The following TNRC6C variants were observed in gnomAD, a reference collection of about 807,000 sequenced individuals.
TNRC6C encodes the protein trinucleotide repeat-containing gene 6C protein.
TNRC6C carries 20 observed loss-of-function variants against 153.7 expected under a neutral mutation model. That is an observed-to-expected ratio of 0.13 (90% CI 0.09 to 0.19). The LOEUF (loss-of-function observed/expected upper bound fraction) is 0.19, where lower values mean the gene tolerates loss of function less well. Among genes scored for constraint, TNRC6C ranks in the 10% least tolerant of loss-of-function variants. The pLI is 1.00. For missense variants in TNRC6C, 1,987 were observed against 2,172.0 expected, an observed-to-expected ratio of 0.91 and a Z score of 1.69; for synonymous variants, 811 against 841.4, an observed-to-expected ratio of 0.96 and a Z score of 0.63.
At chr17:77,990,718 T>C (rs763570257) in intron 1 of TNRC6C, among the ~76,000 whole-genome samples, 2 of 152,224 alleles carry the variant, frequency 1.3e-5, no homozygotes, top group Non-Finnish European at 2.9e-5. Flanking sequence ...TTTTAAAAAA[T>C]TCATTAAGTG....
chr17:78,093,244 C>T (rs1357129486), intron 15 of TNRC6C, 120 bp downstream of exon 17: 4 of 1,142,664 alleles, frequency 3.5e-6, no homozygotes, highest in Non-Finnish European at 4.9e-6. Context: ...GCGTTAAGCC[C>T]AGAGCTTTGG....
chr17:77,959,112 C>A, upstream of TNRC6C: 1 of 145,930 alleles, frequency 6.9e-6, no homozygotes, highest in Non-Finnish European at 1.5e-5. Flanking sequence ...CGCCGCCGCC[C>A]GCGCCGGGAC....
At chr17:78,020,023 T>G (rs1392696026) in intron 1 of TNRC6C, among the ~76,000 whole-genome samples, 1 of 152,256 alleles carries the variant, frequency 6.6e-6, no homozygotes, top group Non-Finnish European at 1.5e-5. Flanking sequence ...ACTTATCCCT[T>G]CAGATTATTA....
intron 10 of TNRC6C, 94 bp from the exon 13 acceptor site, chr17:78,082,953 T>C (rs2073209728): frequency 1.4e-6 from 2 of 1,456,370 alleles, no homozygotes; most frequent in East Asian, 2.4e-5. Context: ...CTACAAATTA[T>C]CATTTAATCA....
At chr17:78,052,640 A>G (rs552895106) in intron 3 of TNRC6C, among the ~76,000 whole-genome samples, 3 of 152,118 alleles carry the variant, frequency 2.0e-5, no homozygotes, top group Admixed American at 6.5e-5. Flanking sequence ...GGTTTTTGTC[A>G]TAAGCGTTCA....
intron 16 of TNRC6C, among the ~76,000 whole-genome samples, chr17:78,094,285 GT>G (rs1379667440): frequency 6.6e-6 from 1 of 151,962 alleles, no homozygotes; most frequent in African/African-American, 2.4e-5. Flanking sequence ...CTCTGATAAA[GT>G]TTTATCACAG....
At chr17:78,094,507 T>C (rs1398363819) in intron 16 of TNRC6C, among the ~76,000 whole-genome samples, 1 of 151,782 alleles carries the variant, frequency 6.6e-6, no homozygotes, top group East Asian at 1.9e-4. Flanking sequence ...GGCGTGATCT[T>C]GGCTCACTGC....
chr17:77,969,751 G>A (rs906770395), intron 1 of TNRC6C, among the ~76,000 whole-genome samples: 1 of 151,798 alleles, frequency 6.6e-6, no homozygotes, highest in African/African-American at 2.4e-5. Context: ...TGGGAGACAA[G>A]CAGAGATCTC....
chr17:78,051,142 G>C, exon 3 of TNRC6C: 1 of 1,576,088 alleles, frequency 6.3e-7, no homozygotes, highest in East Asian at 2.3e-5. Flanking sequence ...AGGGTGGATC[G>C]GGGGGCCGGT....
At chr17:78,041,448 C>G (rs537547060) in intron 2 of TNRC6C, among the ~76,000 whole-genome samples, 1 of 152,292 alleles carries the variant, frequency 6.6e-6, no homozygotes, top group East Asian at 1.9e-4. Flanking sequence ...TTAATAGACT[C>G]TTAACCTTGA....
At chr17:78,078,691 G>A (rs1472667581) in intron 9 of TNRC6C, among the ~76,000 whole-genome samples, 2 of 152,160 alleles carry the variant, frequency 1.3e-5, no homozygotes, top group East Asian at 1.9e-4. Flanking sequence ...GGGGCCGAAC[G>A]AGGTGGCTCA....
chr17:78,006,472 ATTTCTTCTTCTTCTTCTTC>A (rs1392914413), intron 1 of TNRC6C, among the ~76,000 whole-genome samples: 7 of 148,094 alleles, frequency 4.7e-5, no homozygotes, highest in South Asian at 2.1e-4. Context: ...TGGATCATCC[ATTTCTTCTTCTTCTTCTTC>A]TTTCTTCTTC....
At chr17:78,037,993 A>AT (rs1457888834) in intron 2 of TNRC6C, among the ~76,000 whole-genome samples, 1 of 152,194 alleles carries the variant, frequency 6.6e-6, no homozygotes, top group Non-Finnish European at 1.5e-5. Flanking sequence ...GGAAAAACAG[A>AT]TGTATACACG....
Position 77,979,910 on chromosome 17 carries a change from C to T in TNRC6C, c.-38+20642C>T, listed in dbSNP as rs369164470. ...AAATGGAAATCAAAATACAGTGGAA[C>T]GATATCTTCAAAGTGTTGTAAGAAA... On this transcript the variant is annotated intron_variant, in intron 1 of 22. Transcript: ENST00000636222. Among the ~76,000 whole-genome samples, 31 of 152,218 alleles carry T rather than the reference C, an allele frequency of 2.0e-4. No individual in the cohort carries two copies. The East Asian group carries it at 5.6e-3, about 27-fold the overall frequency.
intron 2 of TNRC6C, among the ~76,000 whole-genome samples, chr17:78,042,779 A>G (rs1598725316): frequency 6.6e-6 from 1 of 151,478 alleles, no homozygotes; most frequent in South Asian, 2.1e-4. Flanking sequence ...GGTGGTGCTG[A>G]TGGTGGTGGT....
chr17:77,987,581 C>T (rs1490359316), intron 1 of TNRC6C, among the ~76,000 whole-genome samples: 1 of 152,140 alleles, frequency 6.6e-6, no homozygotes, highest in Non-Finnish European at 1.5e-5. Context: ...CAAATGGAAA[C>T]ACCTAAATAA....
At chr17:78,022,285 A>T (rs535697846) in intron 1 of TNRC6C, among the ~76,000 whole-genome samples, 1 of 152,332 alleles carries the variant, frequency 6.6e-6, no homozygotes, top group East Asian at 1.9e-4. Flanking sequence ...TCTTAGATAT[A>T]AGATTGACTA....
Position 78,049,313 on chromosome 17 carries a change from A to C in TNRC6C, c.251A>C (p.Gln84Pro). ...ACTATGATTGGAGATGGGAGAAGTC[A>C]GAATTGCTGGGGTGCTTCCAACTCC... is the stretch of plus-strand genomic sequence containing the variant. Residue 84 changes from glutamine (Q) to proline (P), a missense_variant, in exon 3 of 20, where the codon CAG becomes CCG. Physicochemically the swap from Gln to Pro is moderately conservative, Grantham distance 76 (BLOSUM62 -1). Around this residue, in one of 4 missense-constraint regions of TNRC6C, gnomAD observed 1,052 missense variants for 1,017.0 expected, o/e 1.03. Coordinates refer to ENST00000301624, the Ensembl canonical transcript of TNRC6C. This position sits in a 1 kb window ranked among gnomAD's most constrained non-coding sequence, Gnocchi z 4.1. The C allele has an allele frequency of 6.2e-7, 1 of 1,614,030 alleles. No individual in the cohort carries two copies. Among genetic ancestry groups the C allele is most frequent in the South Asian group, 1.1e-5 (1 of 91,084 alleles).
At chr17:78,067,667 T>G in intron 4 of TNRC6C, 90 bp from the exon 7 acceptor site, 1 of 1,402,188 alleles carries the variant, frequency 7.1e-7, no homozygotes, top group Non-Finnish European at 9.5e-7. Context: ...GCATCATTTG[T>G]CCCACGACCC....
Sources: gnomAD v4.1 joint callset for allele counts (sites outside exome capture counted in the v4.1 genomes callset) on GRCh38, gnomAD v4.1.1 for gene constraint, gnomAD v4.1.1 regional missense constraint, Gnocchi (gnomAD v3.1) non-coding constraint, MANE v1.5 for transcripts, NCBI Gene and HGNC (gene_info 2026-07-23, HGNC 2026-07-21) for gene names.